Variants in PTPRS observed in about 807,000 individuals in gnomAD.
The protein encoded by PTPRS is protein tyrosine phosphatase receptor type S.
Under a neutral mutation model 215.3 loss-of-function variants are expected in PTPRS, and 63 were observed. That is an observed-to-expected ratio of 0.29 (90% confidence interval 0.24 to 0.36). The LOEUF (loss-of-function observed/expected upper bound fraction) is 0.36. PTPRS is among the 10% of genes least tolerant of loss of function. The pLI is 1.00. For synonymous variants in PTPRS, 1,404 were observed against 1,191.4 expected (o/e 1.18, Z -3.68); for missense variants, 2,258 against 2,825.8 (o/e 0.80, Z 4.56).
intron 1 of PTPRS, among the ~76,000 whole-genome samples, chr19:5,323,352 C>T (rs1217311755): frequency 6.6e-6 from 1 of 152,046 alleles, no homozygotes; most frequent in Non-Finnish European, 1.5e-5. Flanking sequence ...AGTGAAACTC[C>T]GTCTCAAAAA....
At chr19:5,215,660 G>C in intron 26 of PTPRS, 65 bp from the exon 27 acceptor site, 1 of 1,096,760 alleles carries the variant, frequency 9.1e-7, no homozygotes. Flanking sequence ...ACTCGGGGGA[G>C]GGGGGTGATC....
Position 5,295,899 on chromosome 19 carries a change from C to A in PTPRS, c.-94-9665G>T, listed in dbSNP as rs2049120033. 6.6e-6 allele frequency among the ~76,000 whole-genome samples: 1 copy of A among 152,154 alleles called. No homozygotes were observed. Among genetic ancestry groups the A allele is most frequent in the Non-Finnish European group, 1.5e-5 (1 of 68,028 alleles). On this transcript the variant is annotated intron_variant, in intron 1 of 37. Coordinates refer to ENST00000262963, the MANE Select transcript of PTPRS (RefSeq NM_002850.4). The surrounding 1 kb of genome is among the most constrained non-coding windows in gnomAD (Gnocchi z 4.6). Reference sequence around the variant, plus strand: ...CCTCCTGAGTAGCTTGGACTACAGGCACATGCCACCACGTCTGGCTAATTT... The same window carrying A: ...CCTCCTGAGTAGCTTGGACTACAGGAACATGCCACCACGTCTGGCTAATTT...
At chr19:5,215,033 T>C (rs2041292523) in intron 28 of PTPRS, among the ~76,000 whole-genome samples, 1 of 152,274 alleles carries the variant, frequency 6.6e-6, no homozygotes, top group Admixed American at 6.5e-5. Flanking sequence ...AAGATGTCCC[T>C]GGACATTGCC....
chr19:5,232,759 A>AATTGTGGTAAGGC (rs55896532), intron 13 of PTPRS, among the ~76,000 whole-genome samples: 67,820 of 150,064 alleles, frequency 0.45, 15,567 homozygotes, highest in East Asian at 0.66. Context: ...ACCTACTAAT[A>AATTGTGGTAAGGC]ATTGTGGTAA....
In PTPRS at chr19:5,237,626, T is replaced by C. The variant is rs928719469; in HGVS notation, c.1849+1293A>G. ...GACTGTCCGTTCAGCCCAGAGTGGC[T>C]GGGGCAGGCGGGGGGGCACGCGGGG... On this transcript the variant is annotated intron_variant, in intron 13 of 37. Coordinates refer to ENST00000262963, the MANE Select transcript of PTPRS (RefSeq NM_002850.4). This position sits in a 1 kb window ranked among gnomAD's most constrained non-coding sequence, Gnocchi z 4.2. 1.3e-5 allele frequency among the ~76,000 whole-genome samples: 2 copies of C among 152,060 alleles called. No individual in the cohort carries two copies. The highest frequency in any genetic ancestry group is 2.4e-5 in the African/African-American group (1 of 41,410).
intron 22 of PTPRS, among the ~76,000 whole-genome samples, chr19:5,219,693 C>T (rs1463718446): frequency 6.6e-6 from 1 of 152,356 alleles, no homozygotes; most frequent in Middle Eastern, 3.4e-3. Flanking sequence ...GACCTTTGCA[C>T]ATGCAAATCC....
In PTPRS at chr19:5,211,580, T is replaced by C; in HGVS notation, c.5234+10A>G. The C allele has an allele frequency of 6.3e-7, 1 of 1,599,692 alleles. No homozygotes were observed. Among genetic ancestry groups the C allele is most frequent in the Non-Finnish European group, 8.6e-7 (1 of 1,168,130 alleles). On this transcript the variant is annotated intron_variant, in intron 33 of 37. Coordinates refer to ENST00000262963, the MANE Select transcript of PTPRS (RefSeq NM_002850.4). ...CTGGGGCCCTGAGGTGGGAAAGGCATGGCACCTACCTGTAGCCATCAATGA... is the reference window on the plus strand; with the variant it reads ...CTGGGGCCCTGAGGTGGGAAAGGCACGGCACCTACCTGTAGCCATCAATGA...
chr19:5,288,302 T>C (rs966201072), intron 1 of PTPRS, among the ~76,000 whole-genome samples: 2 of 151,894 alleles, frequency 1.3e-5, no homozygotes, highest in African/African-American at 4.8e-5. Flanking sequence ...GCCAGCCAAA[T>C]AGAGATATGC....
At chr19:5,248,792 G>A (rs968039715) in intron 9 of PTPRS, among the ~76,000 whole-genome samples, 1 of 152,184 alleles carries the variant, frequency 6.6e-6, no homozygotes, top group South Asian at 2.1e-4. Context: ...TGAGCCCAGT[G>A]GCCTTGGGAA....
Position 5,277,437 on chromosome 19 carries a change from C to T in PTPRS, c.92-3093G>A, listed in dbSNP as rs767070101. ...CTGGGAGACTGAGGTGGGTGGATCACGAGGTCAGGAGATCGAGACCATCCT... is the reference window on the plus strand; with the variant it reads ...CTGGGAGACTGAGGTGGGTGGATCATGAGGTCAGGAGATCGAGACCATCCT... On this transcript the variant is annotated intron_variant, in intron 2 of 37. Coordinates refer to ENST00000262963, the MANE Select transcript of PTPRS (RefSeq NM_002850.4). Among the ~76,000 whole-genome samples, 4 of 151,992 alleles carry T rather than the reference C, an allele frequency of 2.6e-5. 1 individual carries two copies. Among genetic ancestry groups the T allele is most frequent in the South Asian group, 4.2e-4 (2 of 4,804 alleles).
chr19:5,218,577 G>A (rs1205048490), intron 24 of PTPRS, 45 bp from the exon 25 acceptor site: 3 of 1,587,388 alleles, frequency 1.9e-6, no homozygotes, highest in Non-Finnish European at 2.6e-6. Flanking sequence ...AGTGGCACAT[G>A]TTCATGTGTG....
chr19:5,240,350 G>A lies in PTPRS; in HGVS notation c.1571-18C>T, dbSNP rs117406236. On this transcript the variant is annotated intron_variant, in intron 11 of 37. Coordinates refer to ENST00000262963, the MANE Select transcript of PTPRS (RefSeq NM_002850.4). ...GCCCGGCACTGTGGGGGTGCAGGGA[G>A]ACAACTAGGAGTCGGGGAGCGTCCA... 8 of 1,574,698 alleles carry A rather than the reference G, an allele frequency of 5.1e-6. No individual in the cohort carries two copies. The South Asian group carries it at 8.2e-5, about 16-fold the overall frequency.
At chr19:5,275,033 G>C (rs1321223456) in intron 2 of PTPRS, among the ~76,000 whole-genome samples, 1 of 151,478 alleles carries the variant, frequency 6.6e-6, no homozygotes, top group Non-Finnish European at 1.5e-5. Flanking sequence ...CTCTCCAACA[G>C]CATGGAGAGG....
intron 3 of PTPRS, among the ~76,000 whole-genome samples, 177 bp from the exon 4 acceptor site, chr19:5,273,760 G>A (rs376242089): frequency 1.3e-5 from 2 of 152,186 alleles, no homozygotes; most frequent in African/African-American, 2.4e-5. Flanking sequence ...GTATAAATGC[G>A]CCGCAGACAG....
rs543788719 is a variant in PTPRS, at chr19:5,257,928, C to G, written c.706+89G>C. On this transcript the variant is annotated intron_variant, in intron 8 of 37. Transcript: ENST00000262963. The surrounding 1 kb of genome is among the most constrained non-coding windows in gnomAD (Gnocchi z 4.4). ...CCTTCCTGCTTGGGTGTGCAGGGGA[C>G]GGGGGAGCCCGGAGGCGGTGAGCCC... 1.8e-6 allele frequency: 2 copies of G among 1,135,732 alleles called. No individual in the cohort carries two copies. Among genetic ancestry groups the G allele is most frequent in the South Asian group, 2.8e-5 (2 of 71,260 alleles). The allele number at this position is 1,135,732 out of a possible 1,614,324, so 70.4% of individuals were successfully genotyped here. A position where few individuals can be genotyped will look rare whatever the true frequency, so the allele number is the denominator to read the frequency against.
chr19:5,231,168 C>T (rs1285543963), intron 14 of PTPRS, 142 bp downstream of exon 14: 5 of 900,282 alleles, frequency 5.6e-6, no homozygotes, highest in South Asian at 3.6e-5. Flanking sequence ...CCGGATTTCT[C>T]GGGGAGGCTG....
At position 5,237,886 on chromosome 19, in the gene PTPRS, C is replaced by T. The variant is rs969827359; in HGVS notation, c.1849+1033G>A. 6.6e-6 allele frequency among the ~76,000 whole-genome samples: 1 copy of T among 151,592 alleles called. No individual in the cohort carries two copies. The highest frequency in any genetic ancestry group is 1.5e-5 in the Non-Finnish European group (1 of 67,942). On this transcript the variant is annotated intron_variant, in intron 13 of 37. Transcript: ENST00000262963. This position sits in a 1 kb window ranked among gnomAD's most constrained non-coding sequence, Gnocchi z 4.2. ...GGGGTTGTGTCTCCGAGGCGCCCCACCCCCCCGATCCCAGCGGCTCAGATG... is the reference window on the plus strand; with the variant it reads ...GGGGTTGTGTCTCCGAGGCGCCCCATCCCCCCGATCCCAGCGGCTCAGATG...
intron 22 of PTPRS, 103 bp from the exon 23 acceptor site, chr19:5,219,570 C>A: frequency 1.5e-6 from 2 of 1,360,434 alleles, no homozygotes; most frequent in Non-Finnish European, 2.0e-6. Flanking sequence ...CGCTCTAGAT[C>A]CTCCTATATT....
chr19:5,289,944 C>T (rs1274996378), intron 1 of PTPRS, among the ~76,000 whole-genome samples: 1 of 152,232 alleles, frequency 6.6e-6, no homozygotes, highest in African/African-American at 2.4e-5. Context: ...TGTCCTCTTG[C>T]AAAAGGCAGC....
Sources: allele counts gnomAD v4.1 joint callset (sites outside exome capture counted in the v4.1 genomes callset), GRCh38; gene constraint gnomAD v4.1.1; non-coding constraint Gnocchi (gnomAD v3.1); transcripts MANE v1.5; gene names NCBI Gene and HGNC (gene_info 2026-07-23, HGNC 2026-07-21).